Variants in TBC1D15 observed in about 807,000 individuals in gnomAD.
TBC1D15 encodes the protein TBC1 domain family member 15.
In TBC1D15, 39 loss-of-function variants were observed where a neutral mutation model predicts 95.4. The observed-to-expected ratio is 0.41, with a 90% CI of 0.32 to 0.53. TBC1D15 has a LOEUF of 0.53. Ranked by LOEUF, TBC1D15 falls within the 20% of genes least tolerant of loss-of-function variation. The probability of loss-of-function intolerance (pLI) is 0.29; values close to 1 mark genes in which losing one functional copy is unlikely to be tolerated. For synonymous variants in TBC1D15, 258 were observed against 261.3 expected (o/e 0.99, Z 0.12); for missense variants, 733 against 794.3 (o/e 0.92, Z 0.93).
chr12:71,850,193 A>T, intron 1 of TBC1D15: 1 of 574,486 alleles, frequency 1.7e-6, no homozygotes, highest in East Asian at 4.5e-5. Flanking sequence ...TGAAATCTCA[A>T]ATCTCTGGCT....
At position 71,866,812 on chromosome 12, in the gene TBC1D15, C is replaced by T. The variant is rs575571210; in HGVS notation, c.31-5258C>T. Among the ~76,000 whole-genome samples the T allele has an allele frequency of 1.1e-4, 16 of 152,184 alleles. No individual in the cohort carries two copies. In the South Asian group the frequency reaches 2.1e-3, roughly 20 times the overall value. On this transcript the variant is annotated intron_variant, in intron 1 of 16. Coordinates refer to ENST00000485960, the MANE Select transcript of TBC1D15 (RefSeq NM_001146213.3). ...TGTTCATTGTTTTGGTTGCTTGTTG[C>T]GGGTTGGGGAGAGATGAGCCCTAGG...
At chr12:71,839,977 C>T (rs1884495467) in intron 1 of TBC1D15, among the ~76,000 whole-genome samples, 166 bp downstream of exon 1, 1 of 152,094 alleles carries the variant, frequency 6.6e-6, no homozygotes, top group African/African-American at 2.4e-5. Context: ...CCGAGAATGC[C>T]AGTTCAGCCG....
intron 1 of TBC1D15, among the ~76,000 whole-genome samples, chr12:71,844,596 C>T (rs1223491288): frequency 1.3e-5 from 2 of 152,188 alleles, no homozygotes; most frequent in Non-Finnish European, 2.9e-5. Context: ...CTTGCTGTGG[C>T]AGCCTGTTGG....
At chr12:71,895,820 TAAGGAACAATCTTA>T in intron 7 of TBC1D15, 113 bp from the exon 8 acceptor site, 1 of 891,484 alleles carries the variant, frequency 1.1e-6, no homozygotes, top group Non-Finnish European at 1.6e-6. Context: ...CATGGGAAAA[TAAGGAACAATCTTA>T]AAAGTATTAG....
intron 1 of TBC1D15, among the ~76,000 whole-genome samples, chr12:71,867,590 A>T (rs948773884): frequency 6.6e-6 from 1 of 152,242 alleles, no homozygotes; most frequent in Non-Finnish European, 1.5e-5. Context: ...TATTTGCAGT[A>T]TACTGGTGGA....
At chr12:71,907,254 T>C in intron 11 of TBC1D15, 116 bp downstream of exon 11, 1 of 608,804 alleles carries the variant, frequency 1.6e-6, no homozygotes, top group African/African-American at 1.9e-5. Context: ...TAAGAGAATT[T>C]GTTCTCCAGG....
chr12:71,855,667 CAAAAAAAAAAAA>C (rs1161851924), intron 1 of TBC1D15, among the ~76,000 whole-genome samples: 1 of 41,360 alleles, frequency 2.4e-5, no homozygotes, highest in African/African-American at 7.0e-5. Flanking sequence ...GACTCCATCT[CAAAAAAAAAAAA>C]AAAAAAAAAA....
intron 1 of TBC1D15, among the ~76,000 whole-genome samples, chr12:71,841,527 A>G (rs1003814276): frequency 3.3e-5 from 5 of 152,226 alleles, no homozygotes; most frequent in African/African-American, 1.2e-4. Flanking sequence ...ATCTGGTTTA[A>G]TGGCATCATC....
chr12:71,898,896 A>T (rs893792252), intron 10 of TBC1D15, among the ~76,000 whole-genome samples: 1 of 152,124 alleles, frequency 6.6e-6, no homozygotes. Context: ...AAAAGAATTT[A>T]TTTTTCTGAA....
intron 7 of TBC1D15, among the ~76,000 whole-genome samples, chr12:71,895,200 A>G (rs963115651): frequency 1.3e-5 from 2 of 152,016 alleles, no homozygotes; most frequent in Admixed American, 6.6e-5. Context: ...CCTTACTTGC[A>G]TGTTTTCTCA....
At chr12:71,873,852 C>T (rs1238987819) in intron 3 of TBC1D15, among the ~76,000 whole-genome samples, 1 of 152,212 alleles carries the variant, frequency 6.6e-6, no homozygotes, top group Non-Finnish European at 1.5e-5. Context: ...TCTCTCAGTT[C>T]TGGAGACTAG....
At chr12:71,894,928 A>G (rs2138696208) in intron 7 of TBC1D15, 45 bp downstream of exon 7, 1 of 1,552,698 alleles carries the variant, frequency 6.4e-7, no homozygotes, top group South Asian at 1.2e-5. Context: ...TTTTAACAGG[A>G]GAACATGTAC....
At chr12:71,866,798 T>C (rs1377128525) in intron 1 of TBC1D15, among the ~76,000 whole-genome samples, 1 of 152,188 alleles carries the variant, frequency 6.6e-6, no homozygotes, top group Non-Finnish European at 1.5e-5. Context: ...GTTCATTGTT[T>C]TGGTTGCTTG....
chr12:71,903,020 C>T (rs557972809), intron 10 of TBC1D15, among the ~76,000 whole-genome samples: 1 of 152,290 alleles, frequency 6.6e-6, no homozygotes, highest in African/African-American at 2.4e-5. Context: ...TCAAGCAATT[C>T]TCTGCGTCAG....
intron 1 of TBC1D15, among the ~76,000 whole-genome samples, chr12:71,858,906 G>C (rs1889751094): frequency 6.7e-6 from 1 of 150,374 alleles, no homozygotes; most frequent in African/African-American, 2.4e-5. Flanking sequence ...AGTAGTGCTT[G>C]TACCAATTTA....
intron 11 of TBC1D15, among the ~76,000 whole-genome samples, chr12:71,910,472 T>G (rs542848751): frequency 1.0e-3 from 156 of 151,906 alleles, no homozygotes; most frequent in Non-Finnish European, 1.9e-3. Flanking sequence ...ATTTTCACGA[T>G]ATTGATTCTT....
chr12:71,913,652 C>T (rs1299363322), intron 11 of TBC1D15, 174 bp from the exon 12 acceptor site: 2 of 517,502 alleles, frequency 3.9e-6, no homozygotes, highest in Non-Finnish European at 6.7e-6. Flanking sequence ...TTACTTATGA[C>T]TAGAGTTCCT....
At chr12:71,910,773 G>A (rs2138962449) in intron 11 of TBC1D15, among the ~76,000 whole-genome samples, 2 of 152,222 alleles carry the variant, frequency 1.3e-5, no homozygotes, top group African/African-American at 4.8e-5. Context: ...ACTGACAAAT[G>A]GGATCTAATT....
intron 1 of TBC1D15, among the ~76,000 whole-genome samples, chr12:71,856,619 C>T (rs1210354956): frequency 6.6e-6 from 1 of 151,488 alleles, no homozygotes. Flanking sequence ...TTCCTGTGAG[C>T]TCTTCATTTT....
Sources: gnomAD v4.1 joint callset for allele counts (sites outside exome capture counted in the v4.1 genomes callset) on GRCh38, gnomAD v4.1.1 for gene constraint, MANE v1.5 for transcripts, NCBI Gene and HGNC (gene_info 2026-07-23, HGNC 2026-07-21) for gene names.